MTA1: variants seen among roughly 807,000 people sequenced by gnomAD.
MTA1 encodes metastasis-associated protein MTA1.
Under a neutral mutation model 97.0 loss-of-function variants are expected in MTA1, and 15 were observed. That is an observed-to-expected ratio of 0.15 (90% CI 0.10 to 0.24). MTA1 has a LOEUF of 0.24. Among genes scored for constraint, MTA1 ranks in the 10% least tolerant of loss-of-function variants. The probability of loss-of-function intolerance (pLI) is 1.00; values close to 1 mark genes in which losing one functional copy is unlikely to be tolerated. For missense variants in MTA1, 709 were observed against 1,015.1 expected (o/e 0.70, Z 4.10); for synonymous variants, 435 against 417.5 (o/e 1.04, Z -0.51).
At chr14:105,456,222 G>C (rs1484755827) in intron 7 of MTA1, among the ~76,000 whole-genome samples, 8 of 152,268 alleles carry the variant, frequency 5.3e-5, no homozygotes, top group Admixed American at 5.2e-4. Flanking sequence ...GTGGCTGGGA[G>C]ACAGGTGAGA....
chr14:105,450,741 G>A (rs1034262388), intron 6 of MTA1, among the ~76,000 whole-genome samples: 16 of 152,182 alleles, frequency 1.1e-4, no homozygotes, highest in African/African-American at 3.9e-4. Context: ...GTGTTACCAG[G>A]TGATTCTTAT....
chr14:105,423,668 C>T (rs1051052388), intron 1 of MTA1, among the ~76,000 whole-genome samples: 7 of 152,254 alleles, frequency 4.6e-5, no homozygotes, highest in Non-Finnish European at 8.8e-5. Flanking sequence ...GCAGCCTGGG[C>T]GGAAGCACCC....
At chr14:105,434,546 G>A (rs1555424006) in intron 1 of MTA1, among the ~76,000 whole-genome samples, 1 of 149,036 alleles carries the variant, frequency 6.7e-6, no homozygotes, top group Admixed American at 6.7e-5. Flanking sequence ...CCAGGCTGGA[G>A]TGCAGTGAAT....
chr14:105,453,491 C>T (rs1248185995), intron 6 of MTA1, among the ~76,000 whole-genome samples: 4 of 152,326 alleles, frequency 2.6e-5, no homozygotes, highest in Non-Finnish European at 4.4e-5. Flanking sequence ...GCCTGGGCGA[C>T]GGAGCGAGAC....
At chr14:105,441,731 T>C (rs868979764) in intron 2 of MTA1, among the ~76,000 whole-genome samples, 28 of 152,102 alleles carry the variant, frequency 1.8e-4, no homozygotes, top group Middle Eastern at 3.4e-3. Flanking sequence ...GAGGTGGAGC[T>C]TGCAGTGAGC....
intron 1 of MTA1, among the ~76,000 whole-genome samples, chr14:105,436,435 C>T (rs1321177225): frequency 3.3e-5 from 5 of 152,194 alleles, no homozygotes; most frequent in Admixed American, 3.3e-4. Flanking sequence ...TGTACAGTTC[C>T]GTGAATTTTG....
At chr14:105,469,199 T>C in intron 18 of MTA1, 1 of 614,122 alleles carries the variant, frequency 1.6e-6, no homozygotes, top group Non-Finnish European at 3.0e-6. Context: ...TGCAGGGAGG[T>C]GACTGTCGGG....
Position 105,433,585 on chromosome 14 carries a change from A to G in MTA1, c.29-5087A>G, listed in dbSNP as rs181569805. ...TGAGCTGGCCCTTTCCAGGAAAGGG[A>G]GTAGCGAGGCTGCTCACTTAGAGCC... On this transcript the variant is annotated intron_variant, in intron 1 of 20. Transcript: ENST00000331320. 9.1e-4 allele frequency among the ~76,000 whole-genome samples: 139 copies of G among 152,230 alleles called. 2 individuals carry two copies. The highest frequency in any genetic ancestry group is 9.0e-3 in the Admixed American group (138 of 15,296).
rs1205000413 is a variant in MTA1 at position 105,419,984 on chromosome 14, C to T, written c.-52C>T. ...TCGCGCCTCCATTTTCCCGGCCGCC[C>T]GCGCCGAGCGCCGCGCCCGCCCCGG... On this transcript the variant is annotated 5_prime_UTR_variant, in exon 1 of 21. Coordinates refer to ENST00000331320, the MANE Select transcript of MTA1 (RefSeq NM_004689.4). 1 of 974,186 alleles carries T rather than the reference C, an allele frequency of 1.0e-6. No individual in the cohort carries two copies. Among genetic ancestry groups the T allele is most frequent in the African/African-American group, 1.8e-5 (1 of 56,256 alleles). 60.3% of individuals were successfully genotyped at this position (974,186 alleles called of 1,614,324 possible).
chr14:105,460,631 G>A, intron 9 of MTA1, 134 bp from the exon 10 acceptor site: 1 of 1,229,594 alleles, frequency 8.1e-7, no homozygotes, highest in Non-Finnish European at 1.1e-6. Flanking sequence ...GCCAGACTGT[G>A]CTGAGGGTGC....
intron 2 of MTA1, among the ~76,000 whole-genome samples, chr14:105,442,231 C>T (rs1300575040): frequency 2.6e-5 from 4 of 152,232 alleles, no homozygotes; most frequent in Non-Finnish European, 5.9e-5. Flanking sequence ...TGCCTTTCGG[C>T]AGCCGCGTTC....
At position 105,470,279 on chromosome 14, in the gene MTA1, G is replaced by T; in HGVS notation, c.*64G>T. Reference sequence around the variant, plus strand: ...CGCCCACACGGCCCCTTCCCAGCCAGCCCGCCGCCCGCCCCTCAGTTTGGT... The same window carrying T: ...CGCCCACACGGCCCCTTCCCAGCCATCCCGCCGCCCGCCCCTCAGTTTGGT... On this transcript the variant is annotated 3_prime_UTR_variant, in exon 21 of 21. Coordinates refer to ENST00000331320, the MANE Select transcript of MTA1 (RefSeq NM_004689.4). 1.6e-6 allele frequency: 2 copies of T among 1,246,288 alleles called. No homozygotes were observed. Among genetic ancestry groups the T allele is most frequent in the Non-Finnish European group, 2.0e-6 (2 of 989,904 alleles). The allele number at this position is 1,246,288 out of a possible 1,614,324, so 77.2% of individuals were successfully genotyped here. A position where few individuals can be genotyped will look rare whatever the true frequency, so the allele number is the denominator to read the frequency against.
At chr14:105,436,819 TA>T (rs1485684932) in intron 1 of MTA1, among the ~76,000 whole-genome samples, 7 of 152,258 alleles carry the variant, frequency 4.6e-5, no homozygotes, top group Non-Finnish European at 4.4e-5. Flanking sequence ...AGACCTTTTT[TA>T]AAAAAAAGTT....
At chr14:105,465,974 CTG>C in intron 16 of MTA1, 1 of 196,370 alleles carries the variant, frequency 5.1e-6, no homozygotes, top group Non-Finnish European at 1.0e-5. Flanking sequence ...GAAGAGGTGG[CTG>C]GTGTCAGGGC....
intron 18 of MTA1, chr14:105,468,018 G>C (rs1555433318): frequency 3.2e-6 from 1 of 316,122 alleles, no homozygotes; most frequent in African/African-American, 2.2e-5. Context: ...TGGGCTCAGA[G>C]GGGTCAGCCA....
chr14:105,467,014 G>A (rs1031731386), intron 18 of MTA1: 11 of 555,208 alleles, frequency 2.0e-5, no homozygotes, highest in African/African-American at 5.8e-5. Flanking sequence ...CCCTGCCTGC[G>A]CTGTCTGCCA....
chr14:105,453,981 C>G (rs1446947135), intron 6 of MTA1, among the ~76,000 whole-genome samples: 4 of 152,206 alleles, frequency 2.6e-5, no homozygotes, highest in African/African-American at 9.7e-5. Flanking sequence ...AGGTGCATCC[C>G]CCAGTGACCC....
chr14:105,469,136 G>A, intron 18 of MTA1: 1 of 558,290 alleles, frequency 1.8e-6, no homozygotes, highest in Admixed American at 2.2e-5. Context: ...AGCCTTGCGA[G>A]GCTTTGCTTG....
intron 1 of MTA1, among the ~76,000 whole-genome samples, chr14:105,437,645 G>A (rs976226906): frequency 1.8e-4 from 28 of 152,232 alleles, no homozygotes; most frequent in African/African-American, 6.3e-4. Flanking sequence ...GGCTTCTTTG[G>A]TGCTGGTCTT....
Sources: allele counts gnomAD v4.1 joint callset (sites outside exome capture counted in the v4.1 genomes callset), GRCh38; gene constraint gnomAD v4.1.1; transcripts MANE v1.5; gene names NCBI Gene and HGNC (gene_info 2026-07-23, HGNC 2026-07-21).